The following MACROD2 variants were observed in gnomAD, a reference collection of about 807,000 sequenced individuals.
MACROD2 encodes the protein mono-ADP ribosylhydrolase 2.
MACROD2 carries 36 observed loss-of-function variants against 70.4 expected under a neutral mutation model. The ratio of observed to expected loss-of-function variants is 0.51; its 90% CI spans 0.39 to 0.68. MACROD2 has a LOEUF of 0.68. Ranked by LOEUF, MACROD2 falls within the 30% of genes least tolerant of loss-of-function variation. MACROD2 has a pLI of 0.00. For synonymous variants in MACROD2, 172 were observed against 178.8 expected, an observed-to-expected ratio of 0.96 and a Z score of 0.30; for missense variants, 496 against 538.4, an observed-to-expected ratio of 0.92 and a Z score of 0.78.
intron 5 of MACROD2, among the ~76,000 whole-genome samples, chr20:14,723,363 A>G (rs892958019): frequency 1.3e-5 from 2 of 152,082 alleles, no homozygotes; most frequent in Non-Finnish European, 1.5e-5. Context: ...AAAAAGAGAT[A>G]AAACATTGAC....
chr20:15,765,469 T>C (rs2051507056), intron 8 of MACROD2, among the ~76,000 whole-genome samples: 1 of 152,198 alleles, frequency 6.6e-6, no homozygotes, highest in Non-Finnish European at 1.5e-5. Context: ...GAAACATTCA[T>C]TATTGAACGG....
intron 8 of MACROD2, among the ~76,000 whole-genome samples, chr20:15,787,355 G>C (rs1600891797): frequency 6.6e-6 from 1 of 152,114 alleles, no homozygotes; most frequent in Non-Finnish European, 1.5e-5. Flanking sequence ...GTATAGGTCT[G>C]TTACATGGGC....
intron 5 of MACROD2, among the ~76,000 whole-genome samples, chr20:15,006,519 G>C (rs915502113): frequency 6.6e-6 from 1 of 152,056 alleles, no homozygotes; most frequent in East Asian, 1.9e-4. Flanking sequence ...GTAACTATCT[G>C]AGGTGATGCA....
chr20:15,608,353 G>A (rs1174689031), intron 8 of MACROD2, among the ~76,000 whole-genome samples: 1 of 152,226 alleles, frequency 6.6e-6, no homozygotes, highest in African/African-American at 2.4e-5. Flanking sequence ...CAGATATAAT[G>A]TAAACACAGG....
At chr20:16,023,438 C>T (rs993834505) in intron 15 of MACROD2, among the ~76,000 whole-genome samples, 3 of 134,138 alleles carry the variant, frequency 2.2e-5, no homozygotes, top group Admixed American at 8.4e-5. Flanking sequence ...CCTGTCACTG[C>T]ACTCCAGCCT....
At position 15,337,940 on chromosome 20, in the gene MACROD2, G is replaced by A. The variant is rs530034927; in HGVS notation, c.541-93465G>A. On this transcript the variant is annotated intron_variant, in intron 6 of 17. Transcript: ENST00000684519. ...TGTTAGTAAAGGACTAAAAGCTTAC[G>A]TTTGTGTTTTGTTTACATTTCACGT... Among the ~76,000 whole-genome samples the A allele has an allele frequency of 1.4e-4, 21 of 151,810 alleles. 1 individual carries two copies. Among genetic ancestry groups the A allele is most frequent in the African/African-American group, 4.1e-4 (17 of 41,138 alleles).
intron 2 of MACROD2, among the ~76,000 whole-genome samples, chr20:14,015,086 G>A (rs377155968): frequency 4.0e-5 from 6 of 151,244 alleles, no homozygotes; most frequent in African/African-American, 1.5e-4. Context: ...GTGAGCCACT[G>A]TGCCCAGCCC....
chr20:14,029,987 G>A (rs1034510403), intron 2 of MACROD2, among the ~76,000 whole-genome samples: 1 of 152,194 alleles, frequency 6.6e-6, no homozygotes, highest in East Asian at 1.9e-4. Flanking sequence ...GATTGACACA[G>A]TGGGAGGAGG....
intron 8 of MACROD2, among the ~76,000 whole-genome samples, chr20:15,853,022 T>C (rs2064317256): frequency 1.3e-5 from 2 of 152,044 alleles, no homozygotes; most frequent in Non-Finnish European, 2.9e-5. Flanking sequence ...AAAATAATAA[T>C]AATAATAGTA....
At chr20:14,668,942 A>C (rs1869133398) in intron 4 of MACROD2, among the ~76,000 whole-genome samples, 1 of 152,180 alleles carries the variant, frequency 6.6e-6, no homozygotes, top group Non-Finnish European at 1.5e-5. Flanking sequence ...TTATGAAATG[A>C]AGAAAATAAT....
chr20:15,807,595 G>A (rs1055693451), intron 8 of MACROD2, among the ~76,000 whole-genome samples: 2 of 152,078 alleles, frequency 1.3e-5, no homozygotes, highest in Non-Finnish European at 2.9e-5. Context: ...TTTCAAAAAC[G>A]TAATGGCAAG....
intron 7 of MACROD2, among the ~76,000 whole-genome samples, chr20:15,455,724 A>T (rs2046715644): frequency 6.6e-6 from 1 of 152,118 alleles, no homozygotes; most frequent in East Asian, 1.9e-4. Context: ...TAATTACTGA[A>T]GTTTTTACAG....
chr20:14,460,164 T>A (rs1251033401), intron 3 of MACROD2, among the ~76,000 whole-genome samples: 10 of 152,138 alleles, frequency 6.6e-5, no homozygotes, highest in African/African-American at 2.4e-4. Flanking sequence ...TTTGCTATTG[T>A]GAATAGTGCT....
At chr20:14,064,024 T>G (rs1357981298) in intron 2 of MACROD2, among the ~76,000 whole-genome samples, 1 of 152,132 alleles carries the variant, frequency 6.6e-6, no homozygotes, top group African/African-American at 2.4e-5. Flanking sequence ...ACTGAGCCTG[T>G]CCTGTCCGAA....
intron 8 of MACROD2, among the ~76,000 whole-genome samples, chr20:15,530,549 G>A (rs577297288): frequency 2.0e-4 from 30 of 151,856 alleles, no homozygotes; most frequent in African/African-American, 7.0e-4. Flanking sequence ...TGGCTAACAC[G>A]GTGAAAACCC....
intron 5 of MACROD2, among the ~76,000 whole-genome samples, chr20:15,208,634 G>T (rs570521126): frequency 1.3e-5 from 2 of 152,186 alleles, no homozygotes; most frequent in South Asian, 4.2e-4. Context: ...TTCCTCTTTC[G>T]GCTTCCTTTG....
chr20:15,710,245 CCCTTATACA>C (rs2050607340), intron 8 of MACROD2, among the ~76,000 whole-genome samples: 1 of 143,494 alleles, frequency 7.0e-6, no homozygotes, highest in Non-Finnish European at 1.5e-5. Flanking sequence ...AAAAAGTGAA[CCCTTATACA>C]CTGTTGGGAT....
intron 5 of MACROD2, among the ~76,000 whole-genome samples, chr20:14,941,818 G>A (rs2074392430): frequency 6.7e-6 from 1 of 150,348 alleles, no homozygotes; most frequent in African/African-American, 2.5e-5. Context: ...GGGTCTCACT[G>A]TATCACTCAG....
At chr20:15,491,025 A>T (rs887645446) in intron 7 of MACROD2, among the ~76,000 whole-genome samples, 6 of 152,168 alleles carry the variant, frequency 3.9e-5, no homozygotes, top group Admixed American at 3.9e-4. Context: ...TTGTATTCTT[A>T]TGAAAATTAA....
Sources: gnomAD v4.1 joint callset for allele counts (sites outside exome capture counted in the v4.1 genomes callset) on GRCh38, gnomAD v4.1.1 for gene constraint, MANE v1.5 for transcripts, NCBI Gene and HGNC (gene_info 2026-07-23, HGNC 2026-07-21) for gene names.